The following ADGRG6 variants were observed in gnomAD, a reference collection of about 807,000 sequenced individuals.
The protein encoded by ADGRG6 is G-protein coupled receptor 126.
A neutral mutation model predicts 142.4 loss-of-function variants in ADGRG6; 84 were observed. The observed-to-expected ratio is 0.59, with a 90% CI of 0.49 to 0.71. The LOEUF (loss-of-function observed/expected upper bound fraction) is 0.71, where lower values mean the gene tolerates loss of function less well. Among genes scored for constraint, ADGRG6 ranks in the 30% least tolerant of loss-of-function variants. ADGRG6 has a pLI of 0.00. For missense variants in ADGRG6, 1,367 were observed against 1,466.6 expected, an observed-to-expected ratio of 0.93 and a Z score of 1.11; for synonymous variants, 521 against 520.5, an observed-to-expected ratio of 1.00 and a Z score of -0.01.
At chr6:142,376,815 G>A (rs1181798707) in intron 4 of ADGRG6, among the ~76,000 whole-genome samples, 5 of 151,970 alleles carry the variant, frequency 3.3e-5, no homozygotes, top group Non-Finnish European at 5.9e-5. Flanking sequence ...AGTAGCAACT[G>A]CAAAGAAAAA....
chr6:142,377,074 T>G (rs943016979), intron 4 of ADGRG6, among the ~76,000 whole-genome samples: 1 of 152,178 alleles, frequency 6.6e-6, no homozygotes, highest in African/African-American at 2.4e-5. Context: ...TTTCCAGTGA[T>G]TACATTTTTT....
Position 142,367,920 on chromosome 6 carries a change from C to T in ADGRG6, c.445+10C>T, listed in dbSNP as rs777208798. The stretch of plus-strand genomic sequence containing the variant: ...GCCAGCTACATCAGAGGTATGTAAA[C>T]CAAAGGCAACGCCAACCTTCTGCTT... On this transcript the variant is annotated intron_variant, in intron 3 of 24. Coordinates refer to ENST00000367609, the MANE Select transcript of ADGRG6 (RefSeq NM_198569.3). The T allele has an allele frequency of 1.3e-6, 2 of 1,489,654 alleles. No homozygotes were observed. Among genetic ancestry groups the T allele is most frequent in the African/African-American group, 2.8e-5 (2 of 72,200 alleles). 92.3% of individuals were successfully genotyped at this position (1,489,654 alleles called of 1,614,324 possible). A position where few individuals can be genotyped will look rare whatever the true frequency, so the allele number is the denominator to read the frequency against.
intron 10 of ADGRG6, among the ~76,000 whole-genome samples, chr6:142,398,633 A>T (rs1775332072): frequency 6.6e-6 from 1 of 151,898 alleles, no homozygotes; most frequent in Non-Finnish European, 1.5e-5. Flanking sequence ...TCCTTTAGAT[A>T]CCCTTTCTAT....
chr6:142,343,039 A>G (rs1257961264), intron 2 of ADGRG6, among the ~76,000 whole-genome samples: 1 of 151,706 alleles, frequency 6.6e-6, no homozygotes, highest in South Asian at 2.1e-4. Context: ...AAAATTTTTT[A>G]TAAAAGTTTT....
intron 2 of ADGRG6, among the ~76,000 whole-genome samples, chr6:142,364,305 C>T (rs1780850147): frequency 6.6e-6 from 1 of 152,110 alleles, no homozygotes; most frequent in Admixed American, 6.6e-5. Context: ...TTTAGTAGCA[C>T]TATCTCTAAA....
chr6:142,368,217 T>A (rs1358964317), intron 3 of ADGRG6, among the ~76,000 whole-genome samples: 1 of 152,208 alleles, frequency 6.6e-6, no homozygotes, highest in East Asian at 1.9e-4. Flanking sequence ...AATTCTAACA[T>A]CTCTCCACTG....
chr6:142,422,338 C>A (rs1776700356), intron 22 of ADGRG6, among the ~76,000 whole-genome samples: 2 of 152,086 alleles, frequency 1.3e-5, no homozygotes, highest in African/African-American at 4.8e-5. Flanking sequence ...CCACAGTCCC[C>A]AGAGTGTGAT....
At chr6:142,316,928 A>T (rs2114562697) in intron 2 of ADGRG6, among the ~76,000 whole-genome samples, 1 of 152,218 alleles carries the variant, frequency 6.6e-6, no homozygotes, top group Admixed American at 6.6e-5. Context: ...TTGGCTCATC[A>T]GAGGTCAATA....
chr6:142,411,623 C>CT (rs1202538603), intron 18 of ADGRG6, among the ~76,000 whole-genome samples: 1 of 151,974 alleles, frequency 6.6e-6, no homozygotes, highest in East Asian at 1.9e-4. Flanking sequence ...AACTTTCTCC[C>CT]TTTTTTTCCT....
chr6:142,429,970 G>C (rs888966456), intron 22 of ADGRG6, among the ~76,000 whole-genome samples: 2 of 152,164 alleles, frequency 1.3e-5, no homozygotes, highest in Non-Finnish European at 2.9e-5. Flanking sequence ...ACGATTGCTT[G>C]AGCCCAGAAG....
chr6:142,355,004 A>G (rs942832332), intron 2 of ADGRG6, among the ~76,000 whole-genome samples: 5 of 152,206 alleles, frequency 3.3e-5, no homozygotes, highest in Non-Finnish European at 7.3e-5. Context: ...CGAATAACTT[A>G]TAGAGTGATC....
At chr6:142,413,839 A>G (rs1392625874) in intron 18 of ADGRG6, among the ~76,000 whole-genome samples, 2 of 151,716 alleles carry the variant, frequency 1.3e-5, no homozygotes, top group South Asian at 2.1e-4. Context: ...GATGTTGCAG[A>G]GATACTGTAC....
chr6:142,309,456 C>G (rs1777653523), intron 1 of ADGRG6, 88 bp from the exon 2 acceptor site: 1 of 797,160 alleles, frequency 1.3e-6, no homozygotes. Context: ...TTTTCCAGTC[C>G]CTACTGGAAA....
chr6:142,398,223 C>T (rs1775304412), intron 10 of ADGRG6, among the ~76,000 whole-genome samples: 1 of 152,128 alleles, frequency 6.6e-6, no homozygotes, highest in Admixed American at 6.6e-5. Flanking sequence ...CCCAGGAATT[C>T]GAGACTAGCC....
intron 4 of ADGRG6, among the ~76,000 whole-genome samples, chr6:142,380,414 A>G (rs1470322683): frequency 2.0e-5 from 3 of 152,092 alleles, no homozygotes; most frequent in African/African-American, 7.2e-5. Context: ...CCACCACTCA[A>G]GGTTCTAGTG....
intron 15 of ADGRG6, 109 bp from the exon 16 acceptor site, chr6:142,408,041 C>A: frequency 2.9e-6 from 2 of 692,656 alleles, no homozygotes; most frequent in Non-Finnish European, 2.4e-6. Context: ...TGTTCTAGAA[C>A]TGAAGATCTT....
intron 22 of ADGRG6, among the ~76,000 whole-genome samples, chr6:142,431,213 C>T (rs1044053487): frequency 2.6e-5 from 4 of 151,844 alleles, no homozygotes; most frequent in Non-Finnish European, 4.4e-5. Flanking sequence ...GCTCATTTAA[C>T]AAGCATGAAG....
chr6:142,388,095 C>G (rs1300046564), intron 6 of ADGRG6, among the ~76,000 whole-genome samples: 1 of 152,118 alleles, frequency 6.6e-6, no homozygotes, highest in Non-Finnish European at 1.5e-5. Context: ...CCTCCAATGG[C>G]AATGTTGAAG....
chr6:142,412,137 A>G (rs929017478), intron 18 of ADGRG6, among the ~76,000 whole-genome samples: 3 of 152,206 alleles, frequency 2.0e-5, no homozygotes, highest in Non-Finnish European at 4.4e-5. Flanking sequence ...CGCACCACGC[A>G]TCCAGCGACT....
Sources: gnomAD v4.1 joint callset for allele counts (sites outside exome capture counted in the v4.1 genomes callset) on GRCh38, gnomAD v4.1.1 for gene constraint, MANE v1.5 for transcripts, NCBI Gene and HGNC (gene_info 2026-07-23, HGNC 2026-07-21) for gene names.